COL11A1: variants seen among roughly 807,000 people sequenced by gnomAD.
The protein encoded by COL11A1 is collagen alpha-1(XI) chain.
Under a neutral mutation model 265.2 loss-of-function variants are expected in COL11A1, and 74 were observed. The ratio of observed to expected loss-of-function variants is 0.28; its 90% CI spans 0.23 to 0.34. The LOEUF (loss-of-function observed/expected upper bound fraction) is 0.34. COL11A1 is among the 10% of genes least tolerant of loss of function. The pLI, the probability that COL11A1 is intolerant of heterozygous loss-of-function variation, is 1.00. For synonymous variants in COL11A1, 816 were observed against 727.6 expected, an observed-to-expected ratio of 1.12 and a Z score of -1.96; for missense variants, 2,165 against 2,263.6, an observed-to-expected ratio of 0.96 and a Z score of 0.88.
chr1:103,090,342 A>G (rs1408083286), intron 1 of COL11A1, among the ~76,000 whole-genome samples: 1 of 152,102 alleles, frequency 6.6e-6, no homozygotes, highest in Non-Finnish European at 1.5e-5. Context: ...CAGTCAAAAA[A>G]CCAGTATTGC....
chr1:103,041,879 T>C (rs1429213894), intron 4 of COL11A1, among the ~76,000 whole-genome samples: 2 of 151,944 alleles, frequency 1.3e-5, no homozygotes, highest in Admixed American at 6.6e-5. Context: ...AAAACTGTAT[T>C]TTGGTTGAAG....
intron 44 of COL11A1, 121 bp downstream of exon 44, chr1:102,938,914 G>A (rs1658427231): frequency 3.7e-6 from 3 of 803,280 alleles, no homozygotes; most frequent in South Asian, 1.4e-5. Flanking sequence ...CAGAGGTAAT[G>A]TAGTATTGGT....
In COL11A1 at chr1:103,002,412, A is replaced by T; in HGVS notation, c.2097+16T>A. 2 of 1,599,172 alleles carry T rather than the reference A, an allele frequency of 1.3e-6. No homozygotes were observed. Among genetic ancestry groups the T allele is most frequent in the South Asian group, 2.3e-5 (2 of 88,388 alleles). Reference sequence around the variant, plus strand: ...CCCCCCATTATTTCAAAGGAGCTGCAGTGGCTTAGACTTACCTGAGGTCCT... The same window carrying T: ...CCCCCCATTATTTCAAAGGAGCTGCTGTGGCTTAGACTTACCTGAGGTCCT... On this transcript the variant is annotated intron_variant, in intron 23 of 66. Coordinates refer to ENST00000370096, the MANE Select transcript of COL11A1 (RefSeq NM_001854.4).
chr1:102,889,081 A>C (rs1217585777), intron 59 of COL11A1, among the ~76,000 whole-genome samples, 162 bp from the exon 60 acceptor site: 1 of 152,194 alleles, frequency 6.6e-6, no homozygotes, highest in Non-Finnish European at 1.5e-5. Context: ...AATCTAAAAA[A>C]TAACTTGTGC....
At chr1:103,006,688 C>A (rs1205076870) in intron 15 of COL11A1, among the ~76,000 whole-genome samples, 1 of 151,800 alleles carries the variant, frequency 6.6e-6, no homozygotes, top group Non-Finnish European at 1.5e-5. Flanking sequence ...CAGGCGCCCG[C>A]CACTATGCCC....
intron 62 of COL11A1, 74 bp downstream of exon 62, chr1:102,888,503 A>G (rs959801277): frequency 3.6e-6 from 5 of 1,401,400 alleles, no homozygotes; most frequent in Non-Finnish European, 5.1e-6. Context: ...TGTCTATCTT[A>G]TAAGTTCAGA....
chr1:103,010,662 GA>G (rs1666033266), intron 14 of COL11A1, among the ~76,000 whole-genome samples: 1 of 151,660 alleles, frequency 6.6e-6, no homozygotes, highest in Admixed American at 6.6e-5. Flanking sequence ...AAATTTATTT[GA>G]ATAATAGAGT....
chr1:103,032,167 T>C (rs1175206463), intron 4 of COL11A1, among the ~76,000 whole-genome samples: 1 of 152,104 alleles, frequency 6.6e-6, no homozygotes. Flanking sequence ...AACTTGAGCA[T>C]TCAATTCCCT....
At chr1:103,064,826 T>C (rs1670967632) in intron 4 of COL11A1, among the ~76,000 whole-genome samples, 1 of 146,738 alleles carries the variant, frequency 6.8e-6, no homozygotes. Flanking sequence ...GTCAAAATTA[T>C]AGAGGCAGTA....
intron 4 of COL11A1, among the ~76,000 whole-genome samples, chr1:103,038,654 T>G (rs1189200199): frequency 6.6e-6 from 1 of 152,084 alleles, no homozygotes; most frequent in East Asian, 1.9e-4. Context: ...TTGAGTGTCA[T>G]TTGAGGACTC....
intron 41 of COL11A1, among the ~76,000 whole-genome samples, chr1:102,949,146 G>A (rs952517831): frequency 5.9e-5 from 9 of 152,038 alleles, no homozygotes; most frequent in Non-Finnish European, 1.0e-4. Flanking sequence ...AACACATGAT[G>A]CAACTAGGGT....
chr1:102,900,056 A>C (rs1455588330), intron 54 of COL11A1, among the ~76,000 whole-genome samples: 2 of 152,114 alleles, frequency 1.3e-5, no homozygotes, highest in Non-Finnish European at 2.9e-5. Context: ...ATTTATACAC[A>C]AAGTAAAGAT....
At chr1:102,881,676 C>T in intron 65 of COL11A1, 21 bp downstream of exon 65, 1 of 1,590,868 alleles carries the variant, frequency 6.3e-7, no homozygotes, top group Non-Finnish European at 8.6e-7. Flanking sequence ...AAAATCGTTT[C>T]ATGTTGAGGT....
intron 54 of COL11A1, among the ~76,000 whole-genome samples, chr1:102,911,172 A>G (rs945473674): frequency 4.6e-5 from 7 of 152,160 alleles, no homozygotes; most frequent in African/African-American, 1.7e-4. Flanking sequence ...AAGAAAATGT[A>G]AGAAAATGTA....
intron 4 of COL11A1, among the ~76,000 whole-genome samples, chr1:103,041,585 T>C (rs1216473420): frequency 1.3e-5 from 2 of 152,100 alleles, no homozygotes; most frequent in Admixed American, 6.6e-5. Flanking sequence ...ATTCATTCTT[T>C]AGAGAATTGA....
chr1:103,074,055 T>A (rs1265782936), intron 4 of COL11A1, among the ~76,000 whole-genome samples: 1 of 152,068 alleles, frequency 6.6e-6, no homozygotes, highest in East Asian at 1.9e-4. Flanking sequence ...AAGCATAAGT[T>A]GTCATATCCA....
chr1:102,922,421 G>C (rs1656087132), intron 47 of COL11A1, among the ~76,000 whole-genome samples: 1 of 152,146 alleles, frequency 6.6e-6, no homozygotes, highest in Admixed American at 6.5e-5. Flanking sequence ...TTCTGAGACG[G>C]AGTCTTGCTC....
At chr1:103,083,248 C>G (rs28504475) in intron 1 of COL11A1, among the ~76,000 whole-genome samples, 44 of 148,148 alleles carry the variant, frequency 3.0e-4, no homozygotes, top group East Asian at 6.0e-4. Flanking sequence ...GTGTCTGTGT[C>G]TGTGTGTGTG....
chr1:103,010,229 A>C (rs1665989242), intron 14 of COL11A1, among the ~76,000 whole-genome samples: 1 of 152,204 alleles, frequency 6.6e-6, no homozygotes, highest in Non-Finnish European at 1.5e-5. Context: ...ATATCGATGT[A>C]GACTTTCTTT....
Sources: gnomAD v4.1 joint callset for allele counts (sites outside exome capture counted in the v4.1 genomes callset) on GRCh38, gnomAD v4.1.1 for gene constraint, MANE v1.5 for transcripts, NCBI Gene and HGNC (gene_info 2026-07-23, HGNC 2026-07-21) for gene names.